The following PPDPFL variants were observed in gnomAD, a reference collection of about 807,000 sequenced individuals.
The protein encoded by PPDPFL is pancreatic progenitor cell differentiation and proliferation factor like, also known as pancreatic progenitor cell differentiation and proliferation factor-like protein.
PPDPFL carries 12 observed loss-of-function variants against 12.6 expected under a neutral mutation model. That is an observed-to-expected ratio of 0.95 (90% CI 0.61 to 1.54). The LOEUF (loss-of-function observed/expected upper bound fraction) is 1.54. Among genes scored for constraint, PPDPFL ranks in the 40% most tolerant of loss-of-function variants. The probability of loss-of-function intolerance (pLI) is 0.00; values close to 1 mark genes in which losing one functional copy is unlikely to be tolerated. For missense variants in PPDPFL, 114 were observed against 96.0 expected, an observed-to-expected ratio of 1.19 and a Z score of -0.78; for synonymous variants, 24 against 32.7, an observed-to-expected ratio of 0.73 and a Z score of 0.91.
At chr8:49,074,590 A>G in intron 4 of PPDPFL, 2 of 1,536,128 alleles carry the variant, frequency 1.3e-6, no homozygotes, top group Non-Finnish European at 1.7e-6. Flanking sequence ...AAACTGTGTC[A>G]TTGTTTGGCG....
upstream of PPDPFL, among the ~76,000 whole-genome samples, chr8:49,071,466 G>T (rs972747211): frequency 7.2e-5 from 11 of 152,100 alleles, no homozygotes; most frequent in African/African-American, 2.7e-4. Flanking sequence ...GACCATCCTG[G>T]CTAACACGGT....
chr8:49,065,842 C>T (rs1439191589), intron 1 of PPDPFL, among the ~76,000 whole-genome samples: 1 of 152,234 alleles, frequency 6.6e-6, no homozygotes, highest in Non-Finnish European at 1.5e-5. Flanking sequence ...GGGAACCTAA[C>T]ACTCTGTGCC....
At chr8:49,070,124 T>C (rs187812852), upstream of PPDPFL, among the ~76,000 whole-genome samples, 1 of 152,308 alleles carries the variant, frequency 6.6e-6, no homozygotes, top group East Asian at 1.9e-4. Flanking sequence ...CCATGATCCT[T>C]AGCAAACTGA....
intron 1 of PPDPFL, among the ~76,000 whole-genome samples, chr8:49,061,964 G>A (rs536387735): frequency 2.2e-4 from 33 of 152,268 alleles, no homozygotes; most frequent in African/African-American, 4.3e-4. Flanking sequence ...CAACTCCTTC[G>A]TTTTAAAATC....
At chr8:49,061,528 G>C (rs1388974564) in intron 1 of PPDPFL, among the ~76,000 whole-genome samples, 1 of 152,190 alleles carries the variant, frequency 6.6e-6, no homozygotes, top group East Asian at 1.9e-4. Flanking sequence ...GTGCGATGGT[G>C]GAAGGGGCTG....
In PPDPFL at chr8:49,075,689, A is replaced by G. The variant is rs1347037686; in HGVS notation, c.*516A>G. The G allele has an allele frequency of 1.2e-5, 2 of 170,074 alleles. No individual in the cohort carries two copies. The highest frequency in any genetic ancestry group is 4.8e-5 in the African/African-American group (2 of 41,726). 10.5% of individuals were successfully genotyped at this position (170,074 alleles called of 1,614,324 possible). On this transcript the variant is annotated 3_prime_UTR_variant, in exon 5 of 5. Transcript: ENST00000522267. ...AATGGTTTAAAGGGCATTGAATTCGAAATTTTAGAAAATAATTGTAAAAAT... is the reference window on the plus strand; with the variant it reads ...AATGGTTTAAAGGGCATTGAATTCGGAATTTTAGAAAATAATTGTAAAAAT...
At chr8:49,065,528 A>T (rs1268187210) in intron 1 of PPDPFL, among the ~76,000 whole-genome samples, 2 of 152,248 alleles carry the variant, frequency 1.3e-5, no homozygotes, top group South Asian at 2.1e-4. Context: ...TATTTGCATG[A>T]TGGGCAACTG....
In PPDPFL at chr8:49,075,662, A is replaced by T; in HGVS notation, c.*489A>T. 4.9e-6 allele frequency: 1 copy of T among 205,480 alleles called. No homozygotes were observed. Among genetic ancestry groups the T allele is most frequent in the Non-Finnish European group, 1.0e-5 (1 of 100,252 alleles). 12.7% of individuals were successfully genotyped at this position (205,480 alleles called of 1,614,324 possible). Reference sequence around the variant, plus strand: ...TAAAACTGACTTGTCAATGTTTCACATAATGGTTTAAAGGGCATTGAATTC... The same window carrying T: ...TAAAACTGACTTGTCAATGTTTCACTTAATGGTTTAAAGGGCATTGAATTC... On this transcript the variant is annotated 3_prime_UTR_variant, in exon 5 of 5. Transcript: ENST00000522267.
intron 1 of PPDPFL, among the ~76,000 whole-genome samples, chr8:49,056,969 C>G (rs1322563047): frequency 1.3e-5 from 2 of 152,054 alleles, no homozygotes; most frequent in Non-Finnish European, 2.9e-5. Context: ...GCACAGATAC[C>G]CCGTTTCTAG....
At chr8:49,068,069 T>G (rs897815513), upstream of PPDPFL, among the ~76,000 whole-genome samples, 14 of 152,178 alleles carry the variant, frequency 9.2e-5, no homozygotes, top group African/African-American at 3.4e-4. Flanking sequence ...ATTTTAATTA[T>G]TACCCGAGGA....
rs183892305 is a variant in PPDPFL, at chr8:49,062,984, C to A, written c.-45+8615C>A. 2.0e-4 allele frequency among the ~76,000 whole-genome samples: 31 copies of A among 152,236 alleles called. 1 individual carries two copies. The highest frequency in any genetic ancestry group is 1.9e-3 in the South Asian group (9 of 4,816). On this transcript the variant is annotated intron_variant, in intron 1 of 4. Coordinates refer to the PPDPFL transcript ENST00000517663. ...GGGAAGTGCATCTGAAAATCATTAC[C>A]CTAGTTCTTCCACAAAGGGACCTAA... is the stretch of plus-strand genomic sequence containing the variant.
intron 1 of PPDPFL, among the ~76,000 whole-genome samples, chr8:49,056,003 A>T (rs1808106805): frequency 6.6e-6 from 1 of 152,168 alleles, no homozygotes; most frequent in African/African-American, 2.4e-5. Flanking sequence ...TGCACTTTTG[A>T]TAACTTCAGA....
upstream of PPDPFL, among the ~76,000 whole-genome samples, chr8:49,071,994 T>C (rs906153732): frequency 6.6e-6 from 1 of 152,222 alleles, no homozygotes; most frequent in Non-Finnish European, 1.5e-5. Context: ...AGGCTGCTTG[T>C]ACATCCCACA....
upstream of PPDPFL, among the ~76,000 whole-genome samples, chr8:49,067,630 T>C (rs1808319651): frequency 6.6e-6 from 1 of 152,258 alleles, no homozygotes; most frequent in Admixed American, 6.5e-5. Context: ...ATCTATTTAC[T>C]ACTGCATCCA....
chr8:49,072,745 T>C (rs921647656), intron 1 of PPDPFL, 42 bp from the exon 2 acceptor site: 5 of 937,810 alleles, frequency 5.3e-6, no homozygotes, highest in African/African-American at 5.1e-5. Flanking sequence ...GGAAACTCCC[T>C]GTTATTCATA....
Position 49,072,377 on chromosome 8 carries a change from A to G in PPDPFL, c.-150A>G, listed in dbSNP as rs1047219042. 5 of 154,918 alleles carry G rather than the reference A, an allele frequency of 3.2e-5. No homozygotes were observed. The highest frequency in any genetic ancestry group is 1.2e-4 in the African/African-American group (5 of 41,502). The allele number at this position is 154,918 out of a possible 1,614,324, so 9.6% of individuals were successfully genotyped here. A position where few individuals can be genotyped will look rare whatever the true frequency, so the allele number is the denominator to read the frequency against. On this transcript the variant is annotated 5_prime_UTR_variant, in exon 1 of 5. Transcript: ENST00000522267. ...ACCACTGGCCCTGCGTATGTGGTGC[A>G]GCCTCTCTTCAATCCCTAAGAACTG...
At chr8:49,063,297 G>A (rs1247391997) in intron 1 of PPDPFL, among the ~76,000 whole-genome samples, 1 of 152,190 alleles carries the variant, frequency 6.6e-6, no homozygotes, top group Non-Finnish European at 1.5e-5. Flanking sequence ...GATGTAGTAG[G>A]CAAGGCTTGG....
At chr8:49,070,873 A>AGT (rs956217951), upstream of PPDPFL, among the ~76,000 whole-genome samples, 1 of 151,378 alleles carries the variant, frequency 6.6e-6, no homozygotes, top group Non-Finnish European at 1.5e-5. Flanking sequence ...TGTGTGCATG[A>AGT]GTGTGTGTGT....
intron 1 of PPDPFL, among the ~76,000 whole-genome samples, chr8:49,063,955 C>G (rs556131246): frequency 6.6e-6 from 1 of 152,192 alleles, no homozygotes; most frequent in Non-Finnish European, 1.5e-5. Context: ...AAAATGCTAC[C>G]CATTAAGAAA....
Sources: gnomAD v4.1 joint callset for allele counts (sites outside exome capture counted in the v4.1 genomes callset) on GRCh38, gnomAD v4.1.1 for gene constraint, MANE v1.5 for transcripts, NCBI Gene and HGNC (gene_info 2026-07-23, HGNC 2026-07-21) for gene names.